Variants in HERC2 observed in about 807,000 individuals in gnomAD.
The protein encoded by HERC2 is HECT and RLD domain containing E3 ubiquitin protein ligase 2, also known as E3 ubiquitin-protein ligase HERC2.
A neutral mutation model predicts 537.7 loss-of-function variants in HERC2; 102 were observed. The observed-to-expected ratio is 0.19, with a 90% CI of 0.16 to 0.22. The LOEUF (loss-of-function observed/expected upper bound fraction) is 0.22, where lower values mean the gene tolerates loss of function less well. Among genes scored for constraint, HERC2 ranks in the 10% least tolerant of loss-of-function variants. The pLI, the probability that HERC2 is intolerant of heterozygous loss-of-function variation, is 1.00. For missense variants in HERC2, 4,236 were observed against 6,198.2 expected (o/e 0.68, Z 10.63); for synonymous variants, 2,224 against 2,466.2 (o/e 0.90, Z 2.91).
At chr15:28,193,944 T>C (rs998531136) in intron 52 of HERC2, among the ~76,000 whole-genome samples, 9 of 152,084 alleles carry the variant, frequency 5.9e-5, no homozygotes, top group East Asian at 5.8e-4. Flanking sequence ...AAAAACAGTA[T>C]AGATGGAAAA....
chr15:28,228,129 T>TA (rs367658561), intron 35 of HERC2, 89 bp downstream of exon 35: 121,572 of 862,872 alleles, frequency 0.14, 65 homozygotes, highest in East Asian at 0.16. Flanking sequence ...CAAAAAGCTT[T>TA]AAAAAAAAAA....
At chr15:28,179,318 C>G in intron 57 of HERC2, 95 bp from the exon 58 acceptor site, 1 of 910,030 alleles carries the variant, frequency 1.1e-6, no homozygotes, top group Non-Finnish European at 1.7e-6. Context: ...CAAGGAATTA[C>G]AGTTATGCAC....
In HERC2 at chr15:28,215,702, G is replaced by C; in HGVS notation, c.6129C>G (p.Leu2043=). 1.2e-6 allele frequency: 2 copies of C among 1,612,006 alleles called. No individual in the cohort carries two copies. The highest frequency in any genetic ancestry group is 1.3e-5 in the African/African-American group (1 of 74,996). ...GCAGCGTGATCCACTGCGGGGAGCTGAGGGCGCCGCATACCTGCGGCGTGA... is the reference window on the plus strand; with the variant it reads ...GCAGCGTGATCCACTGCGGGGAGCTCAGGGCGCCGCATACCTGCGGCGTGA... The part of the protein sequence containing the change: ...IALTPQVCGA[L]SSPQWITLLM... The change falls in exon 39 of 93, where the codon CTC becomes CTG. Residue 2043 remains leucine, a synonymous_variant. Coordinates refer to ENST00000261609, the MANE Select transcript of HERC2 (RefSeq NM_004667.6).
At chr15:28,163,437 G>C in intron 68 of HERC2, 152 bp from the exon 69 acceptor site, 1 of 657,548 alleles carries the variant, frequency 1.5e-6, no homozygotes, top group Middle Eastern at 3.2e-4. Flanking sequence ...ATTAAGAAAC[G>C]ACGGCCCCTA....
At chr15:28,275,366 G>A (rs995115395) in intron 5 of HERC2, among the ~76,000 whole-genome samples, 2 of 152,236 alleles carry the variant, frequency 1.3e-5, no homozygotes, top group African/African-American at 4.8e-5. Flanking sequence ...CCGGAGAAGA[G>A]CTGGAAGAAG....
chr15:28,130,719 G>C lies in HERC2; in HGVS notation c.12571-125C>G. 6 of 775,700 alleles carry C rather than the reference G, an allele frequency of 7.7e-6. No homozygotes were observed. In the Admixed American group the frequency reaches 1.2e-4, roughly 15 times the overall value. The allele number at this position is 775,700 out of a possible 1,614,324, so 48.1% of individuals were successfully genotyped here. A position where few individuals can be genotyped will look rare whatever the true frequency, so the allele number is the denominator to read the frequency against. On this transcript the variant is annotated intron_variant, in intron 81 of 92. Transcript: ENST00000261609. ...AACTTGTACCCATGATGAATAATTAGTGCAACATAAAATCATATTCCACTT... is the reference window on the plus strand; with the variant it reads ...AACTTGTACCCATGATGAATAATTACTGCAACATAAAATCATATTCCACTT...
intron 9 of HERC2, 79 bp downstream of exon 9, chr15:28,272,136 T>G (rs878946235): frequency 3.1e-6 from 4 of 1,292,300 alleles, no homozygotes; most frequent in Non-Finnish European, 4.3e-6. Flanking sequence ...ACACTGCCGT[T>G]GACATGCATG....
chr15:28,135,094 C>A (rs1401071451), intron 79 of HERC2, among the ~76,000 whole-genome samples: 4 of 152,142 alleles, frequency 2.6e-5, no homozygotes, highest in African/African-American at 9.7e-5. Context: ...CATTCTTTTA[C>A]AAATGGTGTC....
chr15:28,154,666 C>T (rs1566950407), intron 69 of HERC2, among the ~76,000 whole-genome samples: 2 of 152,160 alleles, frequency 1.3e-5, no homozygotes, highest in Non-Finnish European at 2.9e-5. Flanking sequence ...CAGCAGTAAC[C>T]TCTCAGCCTC....
intron 63 of HERC2, 122 bp from the exon 64 acceptor site, chr15:28,175,778 A>C: frequency 1.1e-6 from 1 of 937,636 alleles, no homozygotes; most frequent in Non-Finnish European, 1.6e-6. Flanking sequence ...ACAGCACCCA[A>C]GGTCTTCAAA....
Position 28,178,984 on chromosome 15 carries a change from G to A in HERC2, c.9066C>T (p.Gly3022=). 6.2e-7 allele frequency: 1 copy of A among 1,614,226 alleles called. No homozygotes were observed. The highest frequency in any genetic ancestry group is 8.5e-7 in the Non-Finnish European group (1 of 1,180,042). ...KVYACGEATN[G]RLGLGISSGT... is the part of the protein sequence containing the mutation. ...CGCTGGAAATGCCCAGCCCCAGCCG[G>A]CCATTCGTGGCTTCTCCACAGGCAT... The change falls in exon 59 of 93, where the codon GGC becomes GGT. Residue 3022 remains glycine (G), a synonymous_variant. Coordinates refer to ENST00000261609, the MANE Select transcript of HERC2 (RefSeq NM_004667.6).
chr15:28,186,315 T>C (rs1376284063), intron 56 of HERC2, among the ~76,000 whole-genome samples: 1 of 152,166 alleles, frequency 6.6e-6, no homozygotes, highest in Non-Finnish European at 1.5e-5. Context: ...ACCAAAATAG[T>C]CACAGTGATA....
chr15:28,253,748 G>A (rs920648025), intron 20 of HERC2, among the ~76,000 whole-genome samples: 1 of 152,140 alleles, frequency 6.6e-6, no homozygotes, highest in African/African-American at 2.4e-5. Context: ...GATCACCTGA[G>A]GTCAGGAGTT....
At chr15:28,118,606 G>A (rs1038973735) in intron 86 of HERC2, among the ~76,000 whole-genome samples, 2 of 152,130 alleles carry the variant, frequency 1.3e-5, no homozygotes, top group Non-Finnish European at 2.9e-5. Flanking sequence ...CCTGTGTTCT[G>A]GAGTCTCTGA....
chr15:28,135,088 C>G (rs1156610600), intron 79 of HERC2, among the ~76,000 whole-genome samples: 4 of 152,134 alleles, frequency 2.6e-5, no homozygotes, highest in African/African-American at 9.7e-5. Flanking sequence ...TTGGTTCATT[C>G]TTTTACAAAT....
intron 83 of HERC2, among the ~76,000 whole-genome samples, chr15:28,129,047 A>G (rs1282036263): frequency 6.6e-6 from 1 of 152,152 alleles, no homozygotes; most frequent in Admixed American, 6.5e-5. Context: ...GGGCCCACTA[A>G]ATAATCCAGA....
chr15:28,257,266 G>A lies in HERC2; in HGVS notation c.2317-5C>T. 1.9e-6 allele frequency: 3 copies of A among 1,613,068 alleles called. 1 individual carries two copies. Among genetic ancestry groups the A allele is most frequent in the South Asian group, 2.2e-5 (2 of 91,010 alleles). Reference sequence around the variant, plus strand: ...ACATGATGACCAAGCAAAGCTCTAAGAGGAAACGCAACAATCTAAAATGAA... The same window carrying A: ...ACATGATGACCAAGCAAAGCTCTAAAAGGAAACGCAACAATCTAAAATGAA... On this transcript the variant is annotated splice_region_variant and splice_polypyrimidine_tract_variant and intron_variant, in intron 16 of 92. Transcript: ENST00000261609.
intron 65 of HERC2, among the ~76,000 whole-genome samples, chr15:28,172,470 A>G (rs1429483019): frequency 6.6e-6 from 1 of 152,256 alleles, no homozygotes; most frequent in Non-Finnish European, 1.5e-5. Context: ...AAATAGATCC[A>G]TACATCCATA....
rs1433808896 is a variant in HERC2 at position 28,256,259 on chromosome 15, C to T, written c.2576G>A (p.Ser859Asn). 1 of 1,598,242 alleles carries T rather than the reference C, an allele frequency of 6.3e-7. No homozygotes were observed. Among genetic ancestry groups the T allele is most frequent in the South Asian group, 1.1e-5 (1 of 90,892 alleles). Reference protein sequence around the residue: ...DPEFLGLGLGSILLNSLKQTV... With the variant: ...DPEFLGLGLGNILLNSLKQTV... ...CTGCTTCAGGCTGTTCAGGAGGATG[C>T]TGCCCAGACCTAAACCAAGGAATTC... The change falls in exon 18 of 93, where the codon AGC (serine) becomes AAC (asparagine). Residue 859 changes from serine to asparagine, a missense_variant. Ser to Asn is a conservative substitution (Grantham distance 46). This residue lies in a region of HERC2 where 754 missense variants were observed against 1,085.0 expected (regional missense o/e 0.69). Coordinates refer to ENST00000261609, the MANE Select transcript of HERC2 (RefSeq NM_004667.6).
Sources: allele counts gnomAD v4.1 joint callset (sites outside exome capture counted in the v4.1 genomes callset), GRCh38; gene constraint gnomAD v4.1.1; regional missense constraint gnomAD v4.1.1; transcripts MANE v1.5; gene names NCBI Gene and HGNC (gene_info 2026-07-23, HGNC 2026-07-21).